Variants in ABCA13 observed in about 807,000 individuals in gnomAD.
The protein encoded by ABCA13 is ATP-binding cassette sub-family A member 13.
ABCA13 carries 476 observed loss-of-function variants against 478.7 expected under a neutral mutation model. The ratio of observed to expected loss-of-function variants is 0.99; its 90% CI spans 0.92 to 1.07. The LOEUF is 1.07. Ranked by LOEUF, ABCA13 falls within the 50% of genes least tolerant of loss-of-function variation. The probability of loss-of-function intolerance (pLI) is 0.00; values close to 1 mark genes in which losing one functional copy is unlikely to be tolerated. For missense variants in ABCA13, 6,060 were observed against 5,910.6 expected (o/e 1.03, Z -0.83); for synonymous variants, 2,252 against 2,158.9 (o/e 1.04, Z -1.20).
intron 32 of ABCA13, among the ~76,000 whole-genome samples, chr7:48,368,327 A>C (rs980870394): frequency 6.6e-6 from 1 of 151,944 alleles, no homozygotes; most frequent in African/African-American, 2.4e-5. Flanking sequence ...TTATTTCCAT[A>C]GGTTTTTTGG....
chr7:48,253,188 C>T (rs1792837190), intron 15 of ABCA13, among the ~76,000 whole-genome samples: 1 of 152,190 alleles, frequency 6.6e-6, no homozygotes, highest in Non-Finnish European at 1.5e-5. Flanking sequence ...TCTGCAGACT[C>T]CCTGCAGCTC....
chr7:48,213,170 A>C (rs1785930017), intron 3 of ABCA13, among the ~76,000 whole-genome samples: 1 of 152,140 alleles, frequency 6.6e-6, no homozygotes, highest in African/African-American at 2.4e-5. Context: ...TTGTTGAAAA[A>C]GCTATTCTAT....
At chr7:48,374,895 C>T (rs530215683) in intron 34 of ABCA13, among the ~76,000 whole-genome samples, 14 of 152,266 alleles carry the variant, frequency 9.2e-5, no homozygotes, top group South Asian at 8.3e-4. Flanking sequence ...CTCACGTTAT[C>T]GCCTGAGCTC....
chr7:48,302,040 G>A (rs1800223330), intron 23 of ABCA13, among the ~76,000 whole-genome samples: 1 of 152,180 alleles, frequency 6.6e-6, no homozygotes, highest in Admixed American at 6.5e-5. Flanking sequence ...CTCCCTCTGA[G>A]CAGGGCATTT....
In ABCA13 at chr7:48,643,340, C is replaced by T. The variant is rs775896529; in HGVS notation, c.14890C>T (p.His4964Tyr). Residue 4964 changes from histidine to tyrosine, a missense_variant, in exon 60 of 62, where the codon CAT becomes TAT. Physicochemically the swap from His to Tyr is moderately conservative, Grantham distance 83. This residue lies in a region of ABCA13 where 1,627 missense variants were observed against 1,571.0 expected (regional missense o/e 1.04). Transcript: ENST00000435803. ...TTGGCTCTGTAAGGAAGCAAATCAACATTGCACTGTTTCTGACCACTTGAA... is the reference window on the plus strand; with the variant it reads ...TTGGCTCTGTAAGGAAGCAAATCAATATTGCACTGTTTCTGACCACTTGAA... ...KVWLCKEANQ[H>Y]CTVSDHLKLY... is the part of the protein sequence containing the mutation. 3.1e-6 allele frequency: 5 copies of T among 1,613,568 alleles called. No individual in the cohort carries two copies. The highest frequency in any genetic ancestry group is 1.3e-5 in the African/African-American group (1 of 74,912).
chr7:48,471,749 C>A, intron 45 of ABCA13, 150 bp downstream of exon 45: 1 of 715,772 alleles, frequency 1.4e-6, no homozygotes. Context: ...AAAGTTTTGT[C>A]ACATAAAGTG....
intron 48 of ABCA13, 22 bp downstream of exon 48, chr7:48,489,366 T>A: frequency 6.6e-7 from 1 of 1,524,768 alleles, no homozygotes; most frequent in East Asian, 2.3e-5. Flanking sequence ...TTTCATGCAT[T>A]GTAATTCACT....
chr7:48,520,400 C>A, intron 53 of ABCA13, 106 bp downstream of exon 53: 1 of 1,307,666 alleles, frequency 7.6e-7, no homozygotes, highest in Non-Finnish European at 1.0e-6. Context: ...ATCTGATCAG[C>A]ATTATACATA....
At chr7:48,481,196 A>G (rs997844571) in intron 46 of ABCA13, 42 bp downstream of exon 46, 1 of 1,404,916 alleles carries the variant, frequency 7.1e-7, no homozygotes, top group African/African-American at 1.4e-5. Flanking sequence ...TGTTTGGATT[A>G]CTATGGAAAA....
At chr7:48,294,710 T>C (rs1342037664) in intron 20 of ABCA13, among the ~76,000 whole-genome samples, 1 of 151,708 alleles carries the variant, frequency 6.6e-6, no homozygotes, top group Non-Finnish European at 1.5e-5. Flanking sequence ...CCTCCCAAAG[T>C]GCTGGGATTA....
intron 52 of ABCA13, among the ~76,000 whole-genome samples, chr7:48,517,519 G>A (rs1450888603): frequency 6.6e-6 from 1 of 152,154 alleles, no homozygotes; most frequent in Non-Finnish European, 1.5e-5. Flanking sequence ...TTTCTTAAAT[G>A]TCATCTCCAG....
intron 59 of ABCA13, among the ~76,000 whole-genome samples, chr7:48,628,068 C>A (rs1388142058): frequency 1.3e-5 from 2 of 152,118 alleles, no homozygotes; most frequent in African/African-American, 4.8e-5. Context: ...AACCGTAGCA[C>A]CACTTGAGCA....
intron 42 of ABCA13, among the ~76,000 whole-genome samples, chr7:48,437,681 C>T (rs879587177): frequency 9.2e-5 from 14 of 151,982 alleles, no homozygotes; most frequent in Non-Finnish European, 1.9e-4. Context: ...TCTAAATAAT[C>T]GTTTGTTGGG....
rs768736438 is a variant in ABCA13, at chr7:48,240,946, A to G, written c.1142A>G (p.Asn381Ser). Residue 381 changes from asparagine (N) to serine (S), a missense_variant, in exon 10 of 62, where the codon AAT becomes AGT. Physicochemically the swap from Asn to Ser is conservative, Grantham distance 46. Coordinates refer to ENST00000435803, the MANE Select transcript of ABCA13 (RefSeq NM_152701.5). ...GGCCATAGTCTGGAGGCTCTCAGGA[A>G]TCAGTTTGAAGAAGAGAGCAAGCCC... ...GMGHSLEALR[N>S]QFEEESKPWK... 3 of 1,613,428 alleles carry G rather than the reference A, an allele frequency of 1.9e-6. No individual in the cohort carries two copies. Among genetic ancestry groups the G allele is most frequent in the African/African-American group, 2.7e-5 (2 of 74,944 alleles).
At chr7:48,366,040 G>A (rs578104450) in intron 31 of ABCA13, among the ~76,000 whole-genome samples, 1 of 152,118 alleles carries the variant, frequency 6.6e-6, no homozygotes, top group Admixed American at 6.6e-5. Context: ...AATAACCAAA[G>A]CTATCTTGAG....
intron 56 of ABCA13, among the ~76,000 whole-genome samples, chr7:48,584,020 A>G (rs2131378881): frequency 6.6e-6 from 1 of 152,354 alleles, no homozygotes; most frequent in Non-Finnish European, 1.5e-5. Context: ...CTAACTTCAT[A>G]AAAATATGCA....
intron 31 of ABCA13, among the ~76,000 whole-genome samples, chr7:48,356,975 T>C (rs1465460598): frequency 1.3e-5 from 2 of 152,018 alleles, no homozygotes; most frequent in Non-Finnish European, 2.9e-5. Context: ...TCACCTGTTA[T>C]TTCCTCTATT....
At chr7:48,554,067 C>T (rs924279451) in intron 55 of ABCA13, among the ~76,000 whole-genome samples, 2 of 151,876 alleles carry the variant, frequency 1.3e-5, no homozygotes, top group Non-Finnish European at 2.9e-5. Flanking sequence ...TTCCCAGAAC[C>T]ATTTATTGAA....
At chr7:48,368,064 AAAG>A (rs1398496024) in intron 32 of ABCA13, among the ~76,000 whole-genome samples, 156 bp downstream of exon 32, 1 of 152,140 alleles carries the variant, frequency 6.6e-6, no homozygotes, top group African/African-American at 2.4e-5. Context: ...CCTGTTCCAG[AAAG>A]AAGATTTTAT....
Sources: gnomAD v4.1 joint callset for allele counts (sites outside exome capture counted in the v4.1 genomes callset) on GRCh38, gnomAD v4.1.1 for gene constraint, gnomAD v4.1.1 regional missense constraint, MANE v1.5 for transcripts, NCBI Gene and HGNC (gene_info 2026-07-23, HGNC 2026-07-21) for gene names.